RNF220: variants seen among roughly 807,000 people sequenced by gnomAD.
RNF220 encodes ring finger protein 220.
RNF220 carries 7 observed loss-of-function variants against 67.1 expected under a neutral mutation model. That is an observed-to-expected ratio of 0.10 (90% CI 0.06 to 0.20). The LOEUF (loss-of-function observed/expected upper bound fraction) is 0.20, where lower values mean the gene tolerates loss of function less well. RNF220 is among the 10% of genes least tolerant of loss of function. The pLI is 1.00. For missense variants in RNF220, 565 were observed against 740.3 expected (o/e 0.76, Z 2.75); for synonymous variants, 270 against 283.2 (o/e 0.95, Z 0.47).
chr1:44,610,280 T>C (rs915865335), intron 2 of RNF220, among the ~76,000 whole-genome samples: 1 of 152,230 alleles, frequency 6.6e-6, no homozygotes, highest in Non-Finnish European at 1.5e-5. Context: ...TCCCATTTCC[T>C]CGTTATCAGT....
intron 2 of RNF220, among the ~76,000 whole-genome samples, chr1:44,487,399 G>T (rs1451002730): frequency 6.6e-6 from 1 of 151,020 alleles, no homozygotes. Context: ...TAAAATGGTG[G>T]TTGCTGCAAC....
chr1:44,584,273 G>A (rs1401430477), intron 2 of RNF220, among the ~76,000 whole-genome samples: 2 of 152,166 alleles, frequency 1.3e-5, no homozygotes, highest in Non-Finnish European at 2.9e-5. Context: ...CACCACTTAC[G>A]TCTTCACCCC....
At chr1:44,409,481 G>C (rs1028583011) in intron 1 of RNF220, among the ~76,000 whole-genome samples, 7 of 152,222 alleles carry the variant, frequency 4.6e-5, no homozygotes, top group African/African-American at 1.7e-4. Flanking sequence ...CAGCGGGGAT[G>C]TCAGCTGTTA....
chr1:44,644,638 G>A, intron 8 of RNF220, 60 bp from the exon 9 acceptor site: 1 of 1,393,446 alleles, frequency 7.2e-7, no homozygotes, highest in Non-Finnish European at 1.0e-6. Context: ...GGAGGCAACA[G>A]GAGGGGCACC....
Position 44,546,170 on chromosome 1 carries a change from A to T in RNF220, c.626-67995A>T, listed in dbSNP as rs549443957. ...TGCTTGCCAGGTAAGCATGGGCTGC[A>T]GGACGTGGGAGGAGAAGCTGGCGAG... is the stretch of plus-strand genomic sequence containing the variant. On this transcript the variant is annotated intron_variant, in intron 2 of 14. Transcript: ENST00000361799. 3.3e-5 allele frequency among the ~76,000 whole-genome samples: 5 copies of T among 152,224 alleles called. No homozygotes were observed. In the South Asian group the frequency reaches 8.3e-4, roughly 25 times the overall value.
At chr1:44,429,262 A>T (rs987258945) in intron 2 of RNF220, among the ~76,000 whole-genome samples, 4 of 152,244 alleles carry the variant, frequency 2.6e-5, no homozygotes, top group African/African-American at 7.2e-5. Flanking sequence ...TAGAAAAAAA[A>T]TAACAGATAA....
intron 2 of RNF220, among the ~76,000 whole-genome samples, chr1:44,463,051 G>A (rs1307141632): frequency 6.6e-6 from 1 of 151,784 alleles, no homozygotes; most frequent in African/African-American, 2.4e-5. Context: ...GAAAATACAA[G>A]AAAGGCCGGG....
At chr1:44,515,374 T>C (rs1659373580) in intron 2 of RNF220, among the ~76,000 whole-genome samples, 1 of 152,116 alleles carries the variant, frequency 6.6e-6, no homozygotes, top group Non-Finnish European at 1.5e-5. Context: ...TAGGTGTAGT[T>C]TGTGTGGTGA....
At chr1:44,503,570 C>T (rs1658134034) in intron 2 of RNF220, among the ~76,000 whole-genome samples, 1 of 152,122 alleles carries the variant, frequency 6.6e-6, no homozygotes, top group Non-Finnish European at 1.5e-5. Context: ...GATTTGCAGC[C>T]ACATATAATC....
chr1:44,415,172 G>A (rs1285578296), intron 2 of RNF220, among the ~76,000 whole-genome samples: 1 of 151,392 alleles, frequency 6.6e-6, no homozygotes, highest in African/African-American at 2.4e-5. Flanking sequence ...CAGCTTTCTT[G>A]GCTCCTGTCA....
At chr1:44,519,902 A>C (rs1313104789) in intron 2 of RNF220, among the ~76,000 whole-genome samples, 1 of 152,112 alleles carries the variant, frequency 6.6e-6, no homozygotes, top group Admixed American at 6.5e-5. Context: ...AACCACTGAA[A>C]GTTTTTAATT....
chr1:44,408,772 C>A (rs1415596705), intron 1 of RNF220: 2 of 152,118 alleles, frequency 1.3e-5, no homozygotes, highest in African/African-American at 4.8e-5. Context: ...TTGGTGGGCG[C>A]CCTGAGCTCG....
chr1:44,649,996 C>T lies in RNF220; in HGVS notation c.1629+39C>T, dbSNP rs1219599413. On this transcript the variant is annotated intron_variant, in intron 14 of 14. Coordinates refer to ENST00000361799, the MANE Select transcript of RNF220 (RefSeq NM_018150.4). The surrounding 1 kb of genome is among the most constrained non-coding windows in gnomAD (Gnocchi z 5.9). The stretch of plus-strand genomic sequence containing the variant: ...GGGGTCGGGGAATGGGAGGCCGCTC[C>T]GGGCACTGCCCAGATGTCTGTGCTT... 10 of 1,595,876 alleles carry T rather than the reference C, an allele frequency of 6.3e-6. No homozygotes were observed. Among genetic ancestry groups the T allele is most frequent in the East Asian group, 4.5e-5 (2 of 44,840 alleles).
intron 2 of RNF220, among the ~76,000 whole-genome samples, chr1:44,507,285 A>T (rs1488649467): frequency 6.6e-6 from 1 of 151,988 alleles, no homozygotes; most frequent in African/African-American, 2.4e-5. Flanking sequence ...AATGGAGGGG[A>T]CAACAAAGTC....
intron 2 of RNF220, among the ~76,000 whole-genome samples, chr1:44,507,454 T>TG (rs1298079049): frequency 2.8e-5 from 4 of 144,216 alleles, no homozygotes; most frequent in Non-Finnish European, 3.0e-5. Flanking sequence ...CTGCGGTGAT[T>TG]GGGGGTGGGG....
chr1:44,435,494 C>A (rs897319930), intron 2 of RNF220, among the ~76,000 whole-genome samples: 1 of 152,190 alleles, frequency 6.6e-6, no homozygotes, highest in East Asian at 1.9e-4. Flanking sequence ...AGTGAAACTT[C>A]AGTGTGATTA....
intron 2 of RNF220, among the ~76,000 whole-genome samples, chr1:44,449,505 C>G (rs1212169839): frequency 6.6e-6 from 1 of 152,132 alleles, no homozygotes; most frequent in East Asian, 1.9e-4. Flanking sequence ...CCTCAAACTC[C>G]TGGGCTCTGG....
chr1:44,490,071 A>G (rs1199936749), intron 2 of RNF220, among the ~76,000 whole-genome samples: 1 of 152,112 alleles, frequency 6.6e-6, no homozygotes, highest in Non-Finnish European at 1.5e-5. Flanking sequence ...TTTCTATATT[A>G]TTAAACTAAA....
At position 44,603,253 on chromosome 1, in the gene RNF220, G is replaced by A. The variant is rs151273370; in HGVS notation, c.626-10912G>A. Among the ~76,000 whole-genome samples the A allele has an allele frequency of 4.9e-4, 74 of 152,362 alleles. No homozygotes were observed. In the East Asian group the frequency reaches 8.5e-3, roughly 17 times the overall value. On this transcript the variant is annotated intron_variant, in intron 2 of 14. Transcript: ENST00000361799. ...TCAATTCAATTTCAGCCGCCGGTCC[G>A]CTGTTTACTGTCTCGCCTTTGCTGG...
Sources: gnomAD v4.1 joint callset for allele counts (sites outside exome capture counted in the v4.1 genomes callset) on GRCh38, gnomAD v4.1.1 for gene constraint, Gnocchi (gnomAD v3.1) non-coding constraint, MANE v1.5 for transcripts, NCBI Gene and HGNC (gene_info 2026-07-23, HGNC 2026-07-21) for gene names.